Variants in HTR3E observed in about 807,000 individuals in gnomAD.
The protein encoded by HTR3E is 5-hydroxytryptamine (serotonin) receptor 3, family member E.
A neutral mutation model predicts 38.0 loss-of-function variants in HTR3E; 38 were observed. The ratio of observed to expected loss-of-function variants is 1.00; its 90% CI spans 0.77 to 1.31. The LOEUF is 1.31. Among genes scored for constraint, HTR3E ranks in the 50% most tolerant of loss-of-function variants. HTR3E has a pLI of 0.00. For synonymous variants in HTR3E, 210 were observed against 232.9 expected, an observed-to-expected ratio of 0.90 and a Z score of 0.89; for missense variants, 547 against 585.2, an observed-to-expected ratio of 0.93 and a Z score of 0.67.
At position 184,100,490 on chromosome 3, in the gene HTR3E, G is replaced by A. The variant is rs767396362; in HGVS notation, c.73G>A (p.Gly25Ser). The change falls in exon 2 of 9, where the codon GGC (glycine) becomes AGC (serine). Residue 25 changes from glycine to serine, a missense_variant. By Grantham distance (56) the Gly-to-Ser change is moderately conservative. Transcript: ENST00000415389. ...ACATTCGATGTCCACTACAGGAAGGGGCGTTACTTTCACCATCAATTGCTC... is the reference window on the plus strand; with the variant it reads ...ACATTCGATGTCCACTACAGGAAGGAGCGTTACTTTCACCATCAATTGCTC... ...LLLGFLLQGR[G>S]VTFTINCSGF... 1 of 1,614,128 alleles carries A rather than the reference G, an allele frequency of 6.2e-7. No homozygotes were observed. Among genetic ancestry groups the A allele is most frequent in the Admixed American group, 1.7e-5 (1 of 60,008 alleles).
intron 1 of HTR3E, 173 bp from the exon 2 acceptor site, chr3:184,100,312 A>T: frequency 6.7e-7 from 1 of 1,496,110 alleles, no homozygotes; most frequent in Non-Finnish European, 9.2e-7. Context: ...GGAGGATTAA[A>T]TGAGGTAATC....
At chr3:184,104,012 G>T in intron 3 of HTR3E, 170 bp from the exon 4 acceptor site, 2 of 459,710 alleles carry the variant, frequency 4.4e-6, no homozygotes, top group East Asian at 3.7e-5. Context: ...TGAAAAAAAA[G>T]CAAGTAAATT....
chr3:184,100,559 G>A lies in HTR3E; in HGVS notation c.142G>A (p.Val48Met), dbSNP rs759290215. 15 of 1,614,040 alleles carry A rather than the reference G, an allele frequency of 9.3e-6. No individual in the cohort carries two copies. Among genetic ancestry groups the A allele is most frequent in the Non-Finnish European group, 1.3e-5 (15 of 1,180,048 alleles). Reference sequence around the variant, plus strand: ...GGCGGATCCCACTGCTCTGAATTCAGTGTTTAATAGAAAGCCCTTCCGTCC... The same window carrying A: ...GGCGGATCCCACTGCTCTGAATTCAATGTTTAATAGAAAGCCCTTCCGTCC... ...HGADPTALNSVFNRKPFRPVT... is the reference protein window; with the variant it reads ...HGADPTALNSMFNRKPFRPVT... The change falls in exon 2 of 9, where the codon GTG becomes ATG. Residue 48 changes from valine (V) to methionine (M), a missense_variant. Coordinates refer to ENST00000415389, the MANE Select transcript of HTR3E (RefSeq NM_001256613.2).
At position 184,099,743 on chromosome 3, in the gene HTR3E, AAG is replaced by A. The variant is rs1271219786; in HGVS notation, c.68-740_68-739del. On this transcript the variant is annotated intron_variant, in intron 1 of 8. Transcript: ENST00000415389. Reference sequence around the variant, plus strand: ...CTCAAAAAAAAAAAAAAAAAAAAGAAAGAAATATGCACAATTATTATATGTCC... The same window carrying A: ...CTCAAAAAAAAAAAAAAAAAAAAGAAAAATATGCACAATTATTATATGTCC... 1.6e-3 allele frequency among the ~76,000 whole-genome samples: 238 copies of A among 148,488 alleles called. 11 individuals are homozygous for A. The highest frequency in any genetic ancestry group is 5.8e-3 in the African/African-American group (228 of 39,102).
intron 3 of HTR3E, among the ~76,000 whole-genome samples, chr3:184,102,329 T>G (rs1712099078): frequency 6.6e-6 from 1 of 151,614 alleles, no homozygotes; most frequent in Non-Finnish European, 1.5e-5. Context: ...CTTGGTATGG[T>G]GTTTCACGTC....
In HTR3E at chr3:184,106,382, C is replaced by G; in HGVS notation, c.1141+39C>G. 6.3e-7 allele frequency: 1 copy of G among 1,577,434 alleles called. No homozygotes were observed. The highest frequency in any genetic ancestry group is 1.7e-4 in the Middle Eastern group (1 of 5,974). ...CATTCCTCTTCCCCCACCTCCACTT[C>G]TCTGCTCCTGCCTCCTTCCCTGTCT... On this transcript the variant is annotated intron_variant, in intron 8 of 8. Coordinates refer to ENST00000415389, the MANE Select transcript of HTR3E (RefSeq NM_001256613.2). This position sits in a 1 kb window ranked among gnomAD's most constrained non-coding sequence, Gnocchi z 4.1.
chr3:184,099,739 A>AC lies in HTR3E; in HGVS notation c.68-746_68-745insC, dbSNP rs1553801776. ...CCGTCTCAAAAAAAAAAAAAAAAAA[A>AC]AGAAAGAAATATGCACAATTATTAT... On this transcript the variant is annotated intron_variant, in intron 1 of 8. Transcript: ENST00000415389. Among the ~76,000 whole-genome samples, 11 of 113,096 alleles carry AC rather than the reference A, an allele frequency of 9.7e-5. 1 individual carries two copies. Among genetic ancestry groups the AC allele is most frequent in the Admixed American group, 2.9e-4 (3 of 10,302 alleles). The allele number at this position is 113,096 out of a possible 152,430, so 74.2% of individuals were successfully genotyped here.
chr3:184,098,866 A>G (rs998120539), intron 1 of HTR3E, among the ~76,000 whole-genome samples: 4 of 152,188 alleles, frequency 2.6e-5, no homozygotes, highest in African/African-American at 7.2e-5. Context: ...TAACATGGTG[A>G]AACCCCATCT....
chr3:184,105,096 G>A, intron 5 of HTR3E, 140 bp downstream of exon 5: 1 of 1,169,304 alleles, frequency 8.6e-7, no homozygotes, highest in Non-Finnish European at 1.2e-6. Flanking sequence ...TTTCCATAAA[G>A]GCAGAACCCA....
intron 1 of HTR3E, among the ~76,000 whole-genome samples, chr3:184,099,720 C>CAAA (rs1192532487): frequency 2.2e-4 from 10 of 44,596 alleles, no homozygotes; most frequent in African/African-American, 6.7e-4. Context: ...GACTCCGTCT[C>CAAA]AAAAAAAAAA....
At position 184,106,758 on chromosome 3, in the gene HTR3E, C is replaced by T; in HGVS notation, c.*65C>T. 1 of 1,529,348 alleles carries T rather than the reference C, an allele frequency of 6.5e-7. No individual in the cohort carries two copies. 94.7% of individuals were successfully genotyped at this position (1,529,348 alleles called of 1,614,324 possible). A position where few individuals can be genotyped will look rare whatever the true frequency, so the allele number is the denominator to read the frequency against. On this transcript the variant is annotated 3_prime_UTR_variant, in exon 9 of 9. Transcript: ENST00000415389. The surrounding 1 kb of genome is among the most constrained non-coding windows in gnomAD (Gnocchi z 4.1). Reference sequence around the variant, plus strand: ...TGCCTCCAGGGACTGGCCAGGTCTCCCCCCTTTCCTGAGTACCAACTATCA... The same window carrying T: ...TGCCTCCAGGGACTGGCCAGGTCTCTCCCCTTTCCTGAGTACCAACTATCA...
Position 184,100,490 on chromosome 3 carries a change from G to C in HTR3E, c.73G>C (p.Gly25Arg), listed in dbSNP as rs767396362. 5 of 1,614,128 alleles carry C rather than the reference G, an allele frequency of 3.1e-6. No individual in the cohort carries two copies. In the Admixed American group the frequency reaches 5.0e-5, roughly 16 times the overall value. The change falls in exon 2 of 9, where the codon GGC becomes CGC. Residue 25 changes from glycine (G) to arginine (R), a missense_variant. Coordinates refer to ENST00000415389, the MANE Select transcript of HTR3E (RefSeq NM_001256613.2). ...LLLGFLLQGR[G>R]VTFTINCSGF... ...ACATTCGATGTCCACTACAGGAAGG[G>C]GCGTTACTTTCACCATCAATTGCTC... is the stretch of plus-strand genomic sequence containing the variant.
At chr3:184,098,260 C>T (rs1048580750) in intron 1 of HTR3E, among the ~76,000 whole-genome samples, 6 of 152,198 alleles carry the variant, frequency 3.9e-5, no homozygotes, top group East Asian at 3.8e-4. Context: ...GTTTTATAAA[C>T]TTGGATGCAC....
chr3:184,097,488 T>G lies in HTR3E; in HGVS notation c.-42T>G, dbSNP rs542117316. The stretch of plus-strand genomic sequence containing the variant: ...TGTGCTGCTTTAATCTGGGCATTCC[T>G]GGGTCCCAGTACATGTTCAGAGAAG... On this transcript the variant is annotated 5_prime_UTR_variant, in exon 1 of 9. Coordinates refer to ENST00000415389, the MANE Select transcript of HTR3E (RefSeq NM_001256613.2). 3 of 1,453,208 alleles carry G rather than the reference T, an allele frequency of 2.1e-6. No homozygotes were observed. The highest frequency in any genetic ancestry group is 2.8e-5 in the African/African-American group (2 of 71,412). The allele number at this position is 1,453,208 out of a possible 1,614,324, so 90.0% of individuals were successfully genotyped here. A position where few individuals can be genotyped will look rare whatever the true frequency, so the allele number is the denominator to read the frequency against.
Position 184,100,604 on chromosome 3 carries a change from C to G in HTR3E, c.187C>G (p.Pro63Ala), listed in dbSNP as rs375288470. ...CCGTCCGGTCACCAACATCAGCGTC[C>G]CCACCCAAGTCAACATCTCCTTCGC... ...PFRPVTNISVPTQVNISFAMS... is the reference protein window; with the variant it reads ...PFRPVTNISVATQVNISFAMS... The change falls in exon 2 of 9, where the codon CCC becomes GCC. Residue 63 changes from proline (P) to alanine (A), a missense_variant. Physicochemically the swap from Pro to Ala is conservative, Grantham distance 27. Coordinates refer to ENST00000415389, the MANE Select transcript of HTR3E (RefSeq NM_001256613.2). 3.9e-5 allele frequency: 63 copies of G among 1,613,934 alleles called. No homozygotes were observed. Among genetic ancestry groups the G allele is most frequent in the Non-Finnish European group, 2.5e-6 (3 of 1,179,980 alleles).
chr3:184,106,361 C>G lies in HTR3E; in HGVS notation c.1141+18C>G. ...CCTGCCCGGTGAGGGAAGTCACATT[C>G]CTCTTCCCCCACCTCCACTTCTCTG... On this transcript the variant is annotated intron_variant, in intron 8 of 8. Coordinates refer to ENST00000415389, the MANE Select transcript of HTR3E (RefSeq NM_001256613.2). This position sits in a 1 kb window ranked among gnomAD's most constrained non-coding sequence, Gnocchi z 4.1. 2 of 1,595,050 alleles carry G rather than the reference C, an allele frequency of 1.3e-6. No individual in the cohort carries two copies. The highest frequency in any genetic ancestry group is 1.7e-6 in the Non-Finnish European group (2 of 1,170,562).
chr3:184,097,949 G>A (rs1467983914), intron 1 of HTR3E, among the ~76,000 whole-genome samples: 3 of 152,112 alleles, frequency 2.0e-5, no homozygotes, highest in African/African-American at 4.8e-5. Flanking sequence ...ATCCACGATC[G>A]TCTTCTCTTG....
rs1290908192 is a variant in HTR3E, at chr3:184,097,594, A to G, written c.65A>G (p.Gln22Arg). The G allele has an allele frequency of 1.3e-6, 2 of 1,534,708 alleles. No homozygotes were observed. The highest frequency in any genetic ancestry group is 8.7e-7 in the Non-Finnish European group (1 of 1,145,634). Residue 22 changes from glutamine (Q) to arginine (R), a missense_variant and splice_region_variant, in exon 1 of 9, where the codon CAA becomes CGA. Transcript: ENST00000415389. ...SFYLLLGFLL[Q>R]GRGVTFTINC... ...TACCTCCTTCTCGGTTTTCTGCTTC[A>G]AGGTAAGAAAGGAGCAATGATGGGG... is the stretch of plus-strand genomic sequence containing the variant.
At position 184,104,872 on chromosome 3, in the gene HTR3E, G is replaced by T; in HGVS notation, c.475G>T (p.Asp159Tyr). 6.2e-7 allele frequency: 1 copy of T among 1,614,062 alleles called. No individual in the cohort carries two copies. Among genetic ancestry groups the T allele is most frequent in the Non-Finnish European group, 8.5e-7 (1 of 1,179,972 alleles). ...CAGGTATAAGAAACCCATGAAGGTG[G>T]ACAGTATCTGTAACCTGGACATCTT... The part of the protein sequence containing the change: ...RIRYKKPMKV[D>Y]SICNLDIFYF... Residue 159 changes from aspartate (D) to tyrosine (Y), a missense_variant, in exon 5 of 9, where the codon GAC becomes TAC. Asp to Tyr is a radical substitution (Grantham distance 160, BLOSUM62 -3). Coordinates refer to ENST00000415389, the MANE Select transcript of HTR3E (RefSeq NM_001256613.2).
Sources: allele counts gnomAD v4.1 joint callset (sites outside exome capture counted in the v4.1 genomes callset), GRCh38; gene constraint gnomAD v4.1.1; non-coding constraint Gnocchi (gnomAD v3.1); transcripts MANE v1.5; gene names NCBI Gene and HGNC (gene_info 2026-07-23, HGNC 2026-07-21).